ALMS1: variants seen among roughly 807,000 people sequenced by gnomAD.
The protein encoded by ALMS1 is centrosome-associated protein ALMS1.
A neutral mutation model predicts 352.2 loss-of-function variants in ALMS1; 271 were observed. The ratio of observed to expected loss-of-function variants is 0.77; its 90% CI spans 0.70 to 0.85. The LOEUF (loss-of-function observed/expected upper bound fraction) is 0.85. ALMS1 is among the 40% of genes least tolerant of loss of function. The pLI is 0.00. For missense variants in ALMS1, 5,445 were observed against 4,870.7 expected (o/e 1.12, Z -3.51); for synonymous variants, 1,865 against 1,761.2 (o/e 1.06, Z -1.48).
intron 12 of ALMS1, among the ~76,000 whole-genome samples, chr2:73,538,926 C>T (rs921323269): frequency 2.6e-5 from 4 of 152,190 alleles, no homozygotes; most frequent in Non-Finnish European, 4.4e-5. Context: ...CTCAAGGATG[C>T]CTGCCTGCCT....
intron 11 of ALMS1, among the ~76,000 whole-genome samples, chr2:73,520,593 C>G (rs35356857): frequency 0.016 from 2,480 of 152,232 alleles, 69 homozygotes; most frequent in African/African-American, 0.057. Context: ...GAACAAAAAG[C>G]ATTGAGGAGC....
intron 12 of ALMS1, 102 bp downstream of exon 12, chr2:73,535,051 C>T: frequency 6.8e-7 from 1 of 1,465,556 alleles, no homozygotes; most frequent in Non-Finnish European, 9.5e-7. Context: ...TTTAATTTTT[C>T]AGTGAAATAT....
Position 73,570,790 on chromosome 2 carries a change from G to A in ALMS1, c.10385-1472G>A, listed in dbSNP as rs564083636. Among the ~76,000 whole-genome samples, 4 of 152,256 alleles carry A rather than the reference G, an allele frequency of 2.6e-5. No homozygotes were observed. In the South Asian group the frequency reaches 8.3e-4, roughly 32 times the overall value. On this transcript the variant is annotated intron_variant, in intron 15 of 22. Coordinates refer to ENST00000613296, the MANE Select transcript of ALMS1 (RefSeq NM_001378454.1). ...TGTCTCTGTATCCAGAAAGGTTATG[G>A]GAGCAGGTGGATTGGCATAGGTGGC...
Position 73,453,168 on chromosome 2 carries a change from C to T in ALMS1, c.6641C>T (p.Ser2214Phe). The T allele has an allele frequency of 3.1e-6, 5 of 1,613,992 alleles. No homozygotes were observed. Among genetic ancestry groups the T allele is most frequent in the South Asian group, 1.1e-5 (1 of 91,072 alleles). ...ATAGATAATTTGAATTCTTCTGACT[C>T]CAGTGTTAGCTCAAATAATGTGCTT... Reference protein sequence around the residue: ...RLIDNLNSSDSSVSSNNVLLN... With the variant: ...RLIDNLNSSDFSVSSNNVLLN... Residue 2214 changes from serine (S) to phenylalanine (F), a missense_variant, in exon 8 of 23, where the codon TCC (serine) becomes TTC (phenylalanine). Transcript: ENST00000613296.
At position 73,449,108 on chromosome 2, in the gene ALMS1, T is replaced by C; in HGVS notation, c.2581T>C (p.Ser861Pro). 6.2e-7 allele frequency: 1 copy of C among 1,613,978 alleles called. No homozygotes were observed. Among genetic ancestry groups the C allele is most frequent in the Non-Finnish European group, 8.5e-7 (1 of 1,179,974 alleles). Residue 861 changes from serine to proline, a missense_variant, in exon 8 of 23, where the codon TCT becomes CCT. Coordinates refer to ENST00000613296, the MANE Select transcript of ALMS1 (RefSeq NM_001378454.1). ...TGTAACCTCTACTTCCTCTGCGTCCTCTTCACTTGGAGAAAAGCCCAGTGC... is the reference window on the plus strand; with the variant it reads ...TGTAACCTCTACTTCCTCTGCGTCCCCTTCACTTGGAGAAAAGCCCAGTGC... ...PAVTSTSSASSSLGEKPSAFY... is the reference protein window; with the variant it reads ...PAVTSTSSASPSLGEKPSAFY...
In ALMS1 at chr2:73,453,279, A is replaced by AT; in HGVS notation, c.6753dup (p.Ala2252CysfsTer4). The stretch of plus-strand genomic sequence containing the variant: ...GATGTTGGCTCTGAAGAAATCCAGG[A>AT]TGCAGAAAATAGTGCTAAAACTCTT... On this transcript the variant is annotated frameshift_variant, in exon 8 of 23. Coordinates refer to ENST00000613296, the MANE Select transcript of ALMS1 (RefSeq NM_001378454.1). LOFTEE classifies it high-confidence loss of function. The AT allele has an allele frequency of 6.2e-7, 1 of 1,614,006 alleles. No individual in the cohort carries two copies. The highest frequency in any genetic ancestry group is 8.5e-7 in the Non-Finnish European group (1 of 1,179,994).
intron 16 of ALMS1, among the ~76,000 whole-genome samples, chr2:73,598,242 C>CT (rs1162207911): frequency 6.6e-6 from 1 of 152,150 alleles, no homozygotes; most frequent in East Asian, 1.9e-4. Context: ...GCTATGTATT[C>CT]TTTTGGTTAG....
intron 9 of ALMS1, among the ~76,000 whole-genome samples, chr2:73,474,358 G>A (rs1005878067): frequency 7.0e-6 from 1 of 143,032 alleles, no homozygotes; most frequent in South Asian, 2.3e-4. Flanking sequence ...TTACTTTTTA[G>A]TGCTTGTTGA....
chr2:73,402,512 A>ATCC (rs1311325851), intron 1 of ALMS1, among the ~76,000 whole-genome samples: 1 of 151,688 alleles, frequency 6.6e-6, no homozygotes, highest in African/African-American at 2.4e-5. Context: ...AACCTCAGTG[A>ATCC]TCCTCCCACC....
chr2:73,485,029 C>T (rs531674886), intron 9 of ALMS1, among the ~76,000 whole-genome samples: 8 of 152,136 alleles, frequency 5.3e-5, no homozygotes, highest in African/African-American at 9.7e-5. Context: ...AATGTCCTCC[C>T]GTAGCTCAGA....
chr2:73,598,957 G>A (rs187496925), intron 16 of ALMS1, among the ~76,000 whole-genome samples: 6 of 152,244 alleles, frequency 3.9e-5, no homozygotes, highest in South Asian at 2.1e-4. Context: ...AGCCTTGTAG[G>A]TCTTTGGTGT....
chr2:73,601,144 G>T (rs887966455), intron 18 of ALMS1, 51 bp from the exon 19 acceptor site: 1 of 1,612,718 alleles, frequency 6.2e-7, no homozygotes, highest in Non-Finnish European at 8.5e-7. Flanking sequence ...GCTGGGTGGG[G>T]CTGTAAAAAA....
At chr2:73,465,242 A>G (rs1348916753) in intron 9 of ALMS1, among the ~76,000 whole-genome samples, 2 of 152,110 alleles carry the variant, frequency 1.3e-5, no homozygotes, top group Non-Finnish European at 2.9e-5. Flanking sequence ...AAACTATACT[A>G]CAAGGCTACA....
Position 73,453,869 on chromosome 2 carries a change from C to T in ALMS1, c.7342C>T (p.Pro2448Ser), listed in dbSNP as rs1672003223. The change falls in exon 8 of 23, where the codon CCA becomes TCA. Residue 2448 changes from proline to serine, a missense_variant. Pro to Ser is a moderately conservative substitution (Grantham distance 74, BLOSUM62 -1). Transcript: ENST00000613296. Reference protein sequence around the residue: ...SVSDVLLNFFPYVSPKTSITD... With the variant: ...SVSDVLLNFFSYVSPKTSITD... ...TTCTGATGTTCTTCTAAACTTCTTT[C>T]CATATGTTTCACCCAAGACAAGTAT... is the stretch of plus-strand genomic sequence containing the variant. The T allele has an allele frequency of 6.2e-7, 1 of 1,613,954 alleles. No individual in the cohort carries two copies. Among genetic ancestry groups the T allele is most frequent in the South Asian group, 1.1e-5 (1 of 91,076 alleles).
Position 73,573,368 on chromosome 2 carries a change from C to G in ALMS1, c.11491C>G (p.Leu3831Val). The change falls in exon 16 of 23, where the codon CTG (leucine) becomes GTG (valine). Residue 3831 changes from leucine (L) to valine (V), a missense_variant. Physicochemically the swap from Leu to Val is conservative, Grantham distance 32. Transcript: ENST00000613296. ...EKRSKHSKKV[L>V]NTGHPLVTSE... ...GCGGAGCAAACACAGCAAGAAAGTG[C>G]TGAATACAGGTCATCCCCTAGTGAC... 1 of 1,614,108 alleles carries G rather than the reference C, an allele frequency of 6.2e-7. No individual in the cohort carries two copies. The highest frequency in any genetic ancestry group is 8.5e-7 in the Non-Finnish European group (1 of 1,180,002).
intron 1 of ALMS1, among the ~76,000 whole-genome samples, chr2:73,395,074 A>T (rs865866244): frequency 0.045 from 4,510 of 101,162 alleles, 228 homozygotes; most frequent in African/African-American, 0.13. Context: ...ATATATATAT[A>T]TATATTTTTT....
chr2:73,454,490 T>G, intron 8 of ALMS1: 1 of 522,700 alleles, frequency 1.9e-6, no homozygotes, highest in Non-Finnish European at 2.5e-6. Flanking sequence ...TCTAAATTGC[T>G]TTTTGTCCTA....
intron 10 of ALMS1, among the ~76,000 whole-genome samples, chr2:73,513,616 C>G (rs934326702): frequency 6.6e-5 from 10 of 152,180 alleles, no homozygotes; most frequent in Non-Finnish European, 2.9e-5. Context: ...CCTAGGCTAT[C>G]TCTCTGTGTA....
At chr2:73,386,983 A>G (rs911998718) in intron 1 of ALMS1, among the ~76,000 whole-genome samples, 1 of 152,196 alleles carries the variant, frequency 6.6e-6, no homozygotes, top group Non-Finnish European at 1.5e-5. Flanking sequence ...AAACTATTAT[A>G]GTTTTGAGTA....
Sources: allele counts gnomAD v4.1 joint callset (sites outside exome capture counted in the v4.1 genomes callset), GRCh38; gene constraint gnomAD v4.1.1; transcripts MANE v1.5; gene names NCBI Gene and HGNC (gene_info 2026-07-23, HGNC 2026-07-21).